ZDHHC14: variants seen among roughly 807,000 people sequenced by gnomAD.
ZDHHC14 encodes the protein palmitoyltransferase ZDHHC14.
A neutral mutation model predicts 47.7 loss-of-function variants in ZDHHC14; 16 were observed. The ratio of observed to expected loss-of-function variants is 0.34; its 90% CI spans 0.23 to 0.51. The LOEUF is 0.51. Ranked by LOEUF, ZDHHC14 falls within the 20% of genes least tolerant of loss-of-function variation. The pLI is 0.97. For synonymous variants in ZDHHC14, 293 were observed against 278.9 expected, an observed-to-expected ratio of 1.05 and a Z score of -0.50; for missense variants, 515 against 662.5, an observed-to-expected ratio of 0.78 and a Z score of 2.44.
intron 1 of ZDHHC14, among the ~76,000 whole-genome samples, chr6:157,497,596 T>G (rs981511531): frequency 1.3e-5 from 2 of 152,164 alleles, no homozygotes; most frequent in East Asian, 3.9e-4. Flanking sequence ...CCATCCCATT[T>G]ACAGGATGAA....
At chr6:157,542,814 A>C (rs1164541470) in intron 2 of ZDHHC14, 69 bp downstream of exon 2, 23 of 1,548,136 alleles carry the variant, frequency 1.5e-5, no homozygotes, top group Non-Finnish European at 1.9e-5. Context: ...TGGGGACGGC[A>C]GGCCGAGGGC....
At chr6:157,471,211 G>A (rs557904700) in intron 1 of ZDHHC14, among the ~76,000 whole-genome samples, 1 of 152,378 alleles carries the variant, frequency 6.6e-6, no homozygotes, top group African/African-American at 2.4e-5. Context: ...GACTGGCGCG[G>A]GGTCCAGGAA....
chr6:157,437,159 G>A (rs572832119), intron 1 of ZDHHC14, among the ~76,000 whole-genome samples: 1 of 152,342 alleles, frequency 6.6e-6, no homozygotes, highest in Non-Finnish European at 1.5e-5. Context: ...ATGGGCTGGA[G>A]CATGGGCTCT....
intron 3 of ZDHHC14, among the ~76,000 whole-genome samples, chr6:157,597,764 C>G (rs1381505393): frequency 6.6e-6 from 1 of 152,240 alleles, no homozygotes; most frequent in East Asian, 1.9e-4. Flanking sequence ...TCAGGCCATG[C>G]CAGCCCCTGG....
chr6:157,617,401 A>G (rs538583449), intron 3 of ZDHHC14, among the ~76,000 whole-genome samples: 2 of 152,246 alleles, frequency 1.3e-5, no homozygotes, highest in Non-Finnish European at 2.9e-5. Context: ...TGAATTTTTT[A>G]AAAAATGGGT....
intron 3 of ZDHHC14, among the ~76,000 whole-genome samples, chr6:157,627,282 A>G (rs976054184): frequency 6.6e-6 from 1 of 152,204 alleles, no homozygotes; most frequent in African/African-American, 2.4e-5. Flanking sequence ...CACTCCCGGT[A>G]TATTTTCAAG....
Position 157,502,199 on chromosome 6 carries a change from T to C in ZDHHC14, c.246-40386T>C, listed in dbSNP as rs1235924296. ...ATCTGGTGGAAAGGAGGCTGCAAAG[T>C]ACAGGACAGCATAACACCTTCCTTT... On this transcript the variant is annotated intron_variant, in intron 1 of 8. Coordinates refer to ENST00000359775, the MANE Select transcript of ZDHHC14 (RefSeq NM_024630.3). This position sits in a 1 kb window ranked among gnomAD's most constrained non-coding sequence, Gnocchi z 4.0. Among the ~76,000 whole-genome samples, 1 of 152,180 alleles carries C rather than the reference T, an allele frequency of 6.6e-6. No homozygotes were observed. Among genetic ancestry groups the C allele is most frequent in the African/African-American group, 2.4e-5 (1 of 41,434 alleles).
chr6:157,645,646 C>T (rs942448800), intron 5 of ZDHHC14, 91 bp from the exon 6 acceptor site: 18 of 964,632 alleles, frequency 1.9e-5, no homozygotes, highest in Non-Finnish European at 2.5e-5. Context: ...AGAGAGAGGC[C>T]TGTGCCCGGG....
At chr6:157,383,300 G>A (rs1038597289) in intron 1 of ZDHHC14, among the ~76,000 whole-genome samples, 1 of 152,122 alleles carries the variant, frequency 6.6e-6, no homozygotes, top group Non-Finnish European at 1.5e-5. Flanking sequence ...AGAATTTAAA[G>A]AAAGCAATAT....
chr6:157,419,041 C>A (rs1051799996), intron 1 of ZDHHC14, among the ~76,000 whole-genome samples: 13 of 152,268 alleles, frequency 8.5e-5, no homozygotes, highest in African/African-American at 3.1e-4. Flanking sequence ...AGGTTTAGGG[C>A]CATTTGTGGA....
At chr6:157,601,026 A>G (rs906851667) in intron 3 of ZDHHC14, among the ~76,000 whole-genome samples, 1 of 152,218 alleles carries the variant, frequency 6.6e-6, no homozygotes, top group Admixed American at 6.5e-5. Flanking sequence ...CGCCTCCAGC[A>G]TGGAGCTCGG....
At chr6:157,649,913 C>T (rs1223842710) in intron 7 of ZDHHC14, among the ~76,000 whole-genome samples, 3 of 152,186 alleles carry the variant, frequency 2.0e-5, no homozygotes, top group Non-Finnish European at 4.4e-5. Context: ...ATTGACTGCC[C>T]ATGTGCGGTG....
intron 2 of ZDHHC14, among the ~76,000 whole-genome samples, chr6:157,553,752 T>C (rs1782343094): frequency 6.6e-6 from 1 of 152,192 alleles, no homozygotes; most frequent in Non-Finnish European, 1.5e-5. Flanking sequence ...TTATTTTGTG[T>C]TTCTGGTAGA....
intron 3 of ZDHHC14, among the ~76,000 whole-genome samples, chr6:157,593,921 A>G (rs1784017074): frequency 6.6e-6 from 1 of 152,210 alleles, no homozygotes; most frequent in Non-Finnish European, 1.5e-5. Flanking sequence ...AAGTGACAGG[A>G]AGGGAAGCAA....
At position 157,664,100 on chromosome 6, in the gene ZDHHC14, G is replaced by A. The variant is rs188160683; in HGVS notation, c.1069-8624G>A. Among the ~76,000 whole-genome samples, 15 of 152,078 alleles carry A rather than the reference G, an allele frequency of 9.9e-5. 1 individual carries two copies. Among genetic ancestry groups the A allele is most frequent in the Admixed American group, 2.6e-4 (4 of 15,268 alleles). ...CCCACAACCCATTATCCTTACCCACGCTCCCCTGTGAAAATCTGCCCAGAG... is the reference window on the plus strand; with the variant it reads ...CCCACAACCCATTATCCTTACCCACACTCCCCTGTGAAAATCTGCCCAGAG... On this transcript the variant is annotated intron_variant, in intron 8 of 8. Coordinates refer to ENST00000359775, the MANE Select transcript of ZDHHC14 (RefSeq NM_024630.3).
chr6:157,572,735 G>A (rs188394785), intron 2 of ZDHHC14, among the ~76,000 whole-genome samples: 8 of 146,638 alleles, frequency 5.5e-5, no homozygotes, highest in South Asian at 2.1e-4. Flanking sequence ...ACAGCACCTA[G>A]AGGACTGTTG....
At chr6:157,657,867 A>G (rs977746925) in intron 8 of ZDHHC14, among the ~76,000 whole-genome samples, 2 of 152,126 alleles carry the variant, frequency 1.3e-5, no homozygotes, top group African/African-American at 2.4e-5. Flanking sequence ...AACATTGGAG[A>G]TGGGGATTCA....
chr6:157,465,813 A>G (rs1289108748), intron 1 of ZDHHC14, among the ~76,000 whole-genome samples: 2 of 152,126 alleles, frequency 1.3e-5, no homozygotes, highest in African/African-American at 4.8e-5. Flanking sequence ...AGGCTGAGGC[A>G]GGTGGATCAC....
chr6:157,490,425 C>T (rs1414021864), intron 1 of ZDHHC14, among the ~76,000 whole-genome samples: 2 of 152,196 alleles, frequency 1.3e-5, no homozygotes, highest in South Asian at 2.1e-4. Flanking sequence ...AATGAAGAAG[C>T]GCAGATGTGA....
Sources: allele counts gnomAD v4.1 joint callset (sites outside exome capture counted in the v4.1 genomes callset), GRCh38; gene constraint gnomAD v4.1.1; non-coding constraint Gnocchi (gnomAD v3.1); transcripts MANE v1.5; gene names NCBI Gene and HGNC (gene_info 2026-07-23, HGNC 2026-07-21).